The following LINGO2 variants were observed in gnomAD, a reference collection of about 807,000 sequenced individuals.
LINGO2 encodes the protein leucine rich repeat and Ig domain containing 2.
Under a neutral mutation model 30.6 loss-of-function variants are expected in LINGO2, and 14 were observed. The observed-to-expected ratio is 0.46, with a 90% CI of 0.30 to 0.72. The LOEUF (loss-of-function observed/expected upper bound fraction) is 0.72, where lower values mean the gene tolerates loss of function less well. LINGO2 is among the 30% of genes least tolerant of loss of function. The pLI is 0.07. For missense variants in LINGO2, 729 were observed against 751.7 expected (o/e 0.97, Z 0.35); for synonymous variants, 317 against 288.5 (o/e 1.10, Z -1.00).
At chr9:27,958,961 C>A (rs1391042985) in intron 5 of LINGO2, among the ~76,000 whole-genome samples, 4 of 152,130 alleles carry the variant, frequency 2.6e-5, no homozygotes, top group African/African-American at 9.7e-5. Context: ...AAATTGATTT[C>A]TTTGGCAGAT....
At chr9:28,697,209 A>G in the LINGO2 span, among the ~76,000 whole-genome samples, 1 of 151,984 alleles carries the variant, frequency 6.6e-6, no homozygotes, top group Admixed American at 6.6e-5. Flanking sequence ...AGACCTTGAT[A>G]TAAGATAATG....
Position 28,148,850 on chromosome 9 carries a change from T to C in LINGO2, c.-86-136445A>G. Reference sequence around the variant, plus strand: ...GCTGGGTAAAGACCACCTGCCCAGCTCTCCAGGCTTGCTGATGGTGGGGGA... The same window carrying C: ...GCTGGGTAAAGACCACCTGCCCAGCCCTCCAGGCTTGCTGATGGTGGGGGA... On this transcript the variant is annotated intron_variant, in intron 4 of 5. Coordinates refer to ENST00000379992, the Ensembl canonical transcript of LINGO2. This position sits in a 1 kb window ranked among gnomAD's most constrained non-coding sequence, Gnocchi z 5.1. 1 of 1,533,650 alleles carries C rather than the reference T, an allele frequency of 6.5e-7. No homozygotes were observed. Among genetic ancestry groups the C allele is most frequent in the Non-Finnish European group, 8.7e-7 (1 of 1,146,482 alleles).
chr9:28,333,718 T>A (rs1825499029), intron 3 of LINGO2, among the ~76,000 whole-genome samples: 1 of 152,162 alleles, frequency 6.6e-6, no homozygotes, highest in Admixed American at 6.6e-5. Context: ...CCGTGCCATA[T>A]CCTCTGATTT....
the LINGO2 span, among the ~76,000 whole-genome samples, chr9:29,010,369 G>A: frequency 2.0e-5 from 3 of 152,164 alleles, no homozygotes; most frequent in Non-Finnish European, 4.4e-5. Flanking sequence ...GCAGGGAAGA[G>A]AAGATGTCCC....
chr9:28,557,460 C>T (rs1288213087), intron 1 of LINGO2, among the ~76,000 whole-genome samples: 1 of 152,042 alleles, frequency 6.6e-6, no homozygotes. Flanking sequence ...CCATCTCACA[C>T]CAGTTAGAAT....
chr9:29,004,690 A>G, the LINGO2 span, among the ~76,000 whole-genome samples: 2 of 151,986 alleles, frequency 1.3e-5, no homozygotes, highest in Non-Finnish European at 1.5e-5. Context: ...GGTCTATATA[A>G]CAGCAATTCC....
chr9:28,888,369 T>TA, the LINGO2 span, among the ~76,000 whole-genome samples: 1 of 152,024 alleles, frequency 6.6e-6, no homozygotes, highest in Non-Finnish European at 1.5e-5. Context: ...TCCTGAAATA[T>TA]AAAAAGACTA....
At chr9:28,420,823 T>G (rs1823165072) in intron 2 of LINGO2, among the ~76,000 whole-genome samples, 1 of 152,118 alleles carries the variant, frequency 6.6e-6, no homozygotes, top group Non-Finnish European at 1.5e-5. Flanking sequence ...GAGAACTGAC[T>G]TGGAATACCT....
At chr9:29,075,231 A>T in the LINGO2 span, among the ~76,000 whole-genome samples, 1 of 152,282 alleles carries the variant, frequency 6.6e-6, no homozygotes, top group East Asian at 1.9e-4. Context: ...TACGTCCAAA[A>T]ATCCTGAACT....
chr9:29,206,684 C>G, the LINGO2 span, among the ~76,000 whole-genome samples: 1 of 152,132 alleles, frequency 6.6e-6, no homozygotes, highest in East Asian at 1.9e-4. Flanking sequence ...ATAAGAATAT[C>G]CTGAATGAGG....
chr9:28,201,527 T>A (rs78310002), intron 4 of LINGO2, among the ~76,000 whole-genome samples: 1 of 149,480 alleles, frequency 6.7e-6, no homozygotes, highest in African/African-American at 2.5e-5. Flanking sequence ...TGAATAATGC[T>A]GCAATAAACA....
chr9:29,098,605 T>C, the LINGO2 span, among the ~76,000 whole-genome samples: 2 of 152,086 alleles, frequency 1.3e-5, no homozygotes, highest in Non-Finnish European at 2.9e-5. Context: ...TAGAAGGCTA[T>C]TGTGGATGGA....
At chr9:28,989,812 T>C in the LINGO2 span, among the ~76,000 whole-genome samples, 3 of 152,296 alleles carry the variant, frequency 2.0e-5, no homozygotes, top group East Asian at 3.9e-4. Flanking sequence ...AACATAAACA[T>C]ATGTAAATGT....
At chr9:28,680,655 TTTTTA>T in the LINGO2 span, among the ~76,000 whole-genome samples, 2 of 152,144 alleles carry the variant, frequency 1.3e-5, no homozygotes, top group Non-Finnish European at 2.9e-5. Flanking sequence ...AGGTGTTATC[TTTTTA>T]TTTTAACAGG....
At chr9:28,508,871 A>T (rs990749374) in intron 1 of LINGO2, among the ~76,000 whole-genome samples, 1 of 152,068 alleles carries the variant, frequency 6.6e-6, no homozygotes, top group Non-Finnish European at 1.5e-5. Flanking sequence ...TTCTTACCTT[A>T]CTTGAGCATA....
the LINGO2 span, among the ~76,000 whole-genome samples, chr9:28,800,402 T>C: frequency 6.6e-6 from 1 of 152,106 alleles, no homozygotes; most frequent in East Asian, 1.9e-4. Context: ...TCTACGTCTT[T>C]CTTAGTTACC....
intron 4 of LINGO2, among the ~76,000 whole-genome samples, chr9:28,051,537 G>C: frequency 6.6e-6 from 1 of 152,052 alleles, no homozygotes. Context: ...TGGAGACACA[G>C]CAGGGAACAG....
the LINGO2 span, among the ~76,000 whole-genome samples, chr9:29,108,491 T>C: frequency 6.6e-6 from 1 of 152,168 alleles, no homozygotes; most frequent in Non-Finnish European, 1.5e-5. Context: ...AAGTTCTCAA[T>C]AATGTAGGCT....
chr9:28,711,498 C>T, the LINGO2 span, among the ~76,000 whole-genome samples: 1 of 152,096 alleles, frequency 6.6e-6, no homozygotes, highest in African/African-American at 2.4e-5. Flanking sequence ...ACCACCTAAG[C>T]CCCACCACAC....
Sources: gnomAD v4.1 joint callset for allele counts (sites outside exome capture counted in the v4.1 genomes callset) on GRCh38, gnomAD v4.1.1 for gene constraint, Gnocchi (gnomAD v3.1) non-coding constraint, MANE v1.5 for transcripts, NCBI Gene and HGNC (gene_info 2026-07-23, HGNC 2026-07-21) for gene names.